GANAB: variants seen among roughly 807,000 people sequenced by gnomAD.
The protein encoded by GANAB is glucosidase II alpha subunit, also known as neutral alpha-glucosidase AB.
In GANAB, 35 loss-of-function variants were observed where a neutral mutation model predicts 129.9. That is an observed-to-expected ratio of 0.27 (90% confidence interval 0.21 to 0.36). The LOEUF (loss-of-function observed/expected upper bound fraction) is 0.36, where lower values mean the gene tolerates loss of function less well. GANAB is among the 10% of genes least tolerant of loss of function. The pLI, the probability that GANAB is intolerant of heterozygous loss-of-function variation, is 1.00. For synonymous variants in GANAB, 482 were observed against 451.8 expected, an observed-to-expected ratio of 1.07 and a Z score of -0.85; for missense variants, 939 against 1,221.0, an observed-to-expected ratio of 0.77 and a Z score of 3.44.
At chr11:62,634,302 G>A in intron 5 of GANAB, 1 of 1,579,874 alleles carries the variant, frequency 6.3e-7, no homozygotes, top group African/African-American at 1.3e-5. Context: ...CGGTGGCCAT[G>A]GATTTACCTA....
Sources: gnomAD v4.1 joint callset for allele counts on GRCh38, gnomAD v4.1.1 for gene constraint, MANE v1.5 for transcripts, NCBI Gene and HGNC (gene_info 2026-07-23, HGNC 2026-07-21) for gene names.